The following PTPRU variants were observed in gnomAD, a reference collection of about 807,000 sequenced individuals.
PTPRU encodes the protein protein tyrosine phosphatase receptor type U.
In PTPRU, 69 loss-of-function variants were observed where a neutral mutation model predicts 166.3. That is an observed-to-expected ratio of 0.41 (90% CI 0.34 to 0.51). PTPRU has a LOEUF of 0.51. PTPRU is among the 20% of genes least tolerant of loss of function. The pLI is 0.09. For missense variants in PTPRU, 1,657 were observed against 2,013.7 expected (o/e 0.82, Z 3.39); for synonymous variants, 793 against 814.0 (o/e 0.97, Z 0.44).
rs755487956 is a variant in PTPRU, at chr1:29,280,017, G to A, written c.1766-22G>A. On this transcript the variant is annotated intron_variant, in intron 10 of 29. Transcript: ENST00000373779. The surrounding 1 kb of genome is among the most constrained non-coding windows in gnomAD (Gnocchi z 4.2). ...TGGTCCAGTGGCCAAGCTCCAGCTT[G>A]TGACCCTGTCCCCTTCTCCAGCTCC... 51 of 1,599,134 alleles carry A rather than the reference G, an allele frequency of 3.2e-5. No homozygotes were observed. Among genetic ancestry groups the A allele is most frequent in the Non-Finnish European group, 4.3e-5 (50 of 1,167,150 alleles).
At position 29,325,832 on chromosome 1, in the gene PTPRU, G is replaced by A. The variant is rs1412704253; in HGVS notation, c.*171G>A. The A allele has an allele frequency of 5.4e-6, 4 of 741,422 alleles. No individual in the cohort carries two copies. Among genetic ancestry groups the A allele is most frequent in the Admixed American group, 3.4e-5 (1 of 29,136 alleles). 45.9% of individuals were successfully genotyped at this position (741,422 alleles called of 1,614,324 possible). A position where few individuals can be genotyped will look rare whatever the true frequency, so the allele number is the denominator to read the frequency against. ...CCTTCCACTGTGGGCAGGGCCTTTC[G>A]CTTGTCCCATGGGCGGGTGGTGGGC... is the stretch of plus-strand genomic sequence containing the variant. On this transcript the variant is annotated 3_prime_UTR_variant, in exon 30 of 30. Coordinates refer to ENST00000373779, the MANE Select transcript of PTPRU (RefSeq NM_133178.4).
intron 2 of PTPRU, 56 bp from the exon 3 acceptor site, chr1:29,258,449 C>T (rs1684867820): frequency 1.9e-6 from 3 of 1,568,300 alleles, no homozygotes; most frequent in Admixed American, 1.8e-5. Flanking sequence ...CTTGCCCTGG[C>T]CCTGTCCCTC....
chr1:29,247,735 G>GT (rs1684364012), intron 1 of PTPRU, among the ~76,000 whole-genome samples: 1 of 152,194 alleles, frequency 6.6e-6, no homozygotes, highest in African/African-American at 2.4e-5. Flanking sequence ...TGCTAACTCT[G>GT]GGATTTGCAG....
intron 18 of PTPRU, 192 bp downstream of exon 18, chr1:29,305,620 C>T: frequency 1.3e-6 from 1 of 765,746 alleles, no homozygotes; most frequent in Non-Finnish European, 2.4e-6. Flanking sequence ...GGAAGGCTTT[C>T]TGTAGGTGGG....
Position 29,280,064 on chromosome 1 carries a change from G to A in PTPRU, c.1791G>A (p.Met597Ile). The A allele has an allele frequency of 1.2e-6, 2 of 1,613,756 alleles. No individual in the cohort carries two copies. The highest frequency in any genetic ancestry group is 1.7e-6 in the Non-Finnish European group (2 of 1,179,956). Residue 597 changes from methionine (M) to isoleucine (I), a missense_variant, in exon 11 of 30, where the codon ATG becomes ATA. By Grantham distance (10) the Met-to-Ile change is conservative. Around this residue, in one of 3 missense-constraint regions of PTPRU, gnomAD observed 1,190 missense variants for 1,477.4 expected, o/e 0.81. Transcript: ENST00000373779. This position sits in a 1 kb window ranked among gnomAD's most constrained non-coding sequence, Gnocchi z 4.2. ...ISAPSFDYADMPSPLGESENT... is the reference protein window; with the variant it reads ...ISAPSFDYADIPSPLGESENT... Reference sequence around the variant, plus strand: ...CTCCCAGCTTTGATTATGCCGACATGCCGTCACCCCTGGGCGAGTCTGAGA... The same window carrying A: ...CTCCCAGCTTTGATTATGCCGACATACCGTCACCCCTGGGCGAGTCTGAGA...
rs1688351462 is a variant in PTPRU at position 29,325,191 on chromosome 1, A to T, written c.4113A>T (p.Leu1371=). ...CTCAGCTTTTGCATCTCTCATTCAGAAACGGGGGAGGACGCAGCGGCACCT... is the reference window on the plus strand; with the variant it reads ...CTCAGCTTTTGCATCTCTCATTCAGTAACGGGGGAGGACGCAGCGGCACCT... ...SGDGRTIVHC[L]NGGGRSGTFC... is the part of the protein sequence containing the mutation. Residue 1371 remains leucine (L), a splice_region_variant and synonymous_variant, in exon 29 of 30, where the codon CTA becomes CTT. Coordinates refer to ENST00000373779, the MANE Select transcript of PTPRU (RefSeq NM_133178.4). 1.2e-6 allele frequency: 2 copies of T among 1,614,074 alleles called. No individual in the cohort carries two copies. Among genetic ancestry groups the T allele is most frequent in the Non-Finnish European group, 1.7e-6 (2 of 1,179,990 alleles).
intron 1 of PTPRU, among the ~76,000 whole-genome samples, chr1:29,241,399 C>G (rs1684047646): frequency 6.6e-6 from 1 of 151,754 alleles, no homozygotes; most frequent in African/African-American, 2.4e-5. Context: ...TGGGGAGTGT[C>G]TCTGTGTTGT....
At position 29,279,667 on chromosome 1, in the gene PTPRU, A is replaced by G. The variant is rs1574654023; in HGVS notation, c.1765+10A>G. ...ACCACTAACATCTCTGGTGAGCCCC[A>G]CCTGACCCGGCCCAGCCTCTTCGGA... On this transcript the variant is annotated intron_variant, in intron 10 of 29. Transcript: ENST00000373779. The surrounding 1 kb of genome is among the most constrained non-coding windows in gnomAD (Gnocchi z 5.2). 1 of 1,609,070 alleles carries G rather than the reference A, an allele frequency of 6.2e-7. No homozygotes were observed. The highest frequency in any genetic ancestry group is 8.5e-7 in the Non-Finnish European group (1 of 1,179,746).
chr1:29,310,351 G>T (rs1687590379), intron 18 of PTPRU, among the ~76,000 whole-genome samples: 1 of 152,086 alleles, frequency 6.6e-6, no homozygotes, highest in Non-Finnish European at 1.5e-5. Flanking sequence ...CCACGTGTGG[G>T]ATCTGGGTTG....
At chr1:29,285,870 A>G (rs1686322094) in intron 14 of PTPRU, among the ~76,000 whole-genome samples, 1 of 152,186 alleles carries the variant, frequency 6.6e-6, no homozygotes, top group African/African-American at 2.4e-5. Flanking sequence ...ACTGTGGTCC[A>G]AGCGCCTTAA....
rs1036376317 is a variant in PTPRU at position 29,260,911 on chromosome 1, C to T, written c.1144+8C>T. ...GCCGCACCAAATGCGCAGGTGGGTG[C>T]AGCAGCTACCCCTGGCCTCAGTCTC... On this transcript the variant is annotated splice_region_variant and intron_variant, in intron 7 of 29. Transcript: ENST00000373779. This position sits in a 1 kb window ranked among gnomAD's most constrained non-coding sequence, Gnocchi z 8.3. The T allele has an allele frequency of 3.2e-6, 5 of 1,538,760 alleles. No homozygotes were observed. The highest frequency in any genetic ancestry group is 1.9e-5 in the Admixed American group (1 of 52,136).
intron 1 of PTPRU, among the ~76,000 whole-genome samples, chr1:29,252,115 C>T (rs1684572302): frequency 6.6e-6 from 1 of 152,180 alleles, no homozygotes; most frequent in Non-Finnish European, 1.5e-5. Context: ...CAAGGTCCTG[C>T]CTCAGCTCTG....
At chr1:29,267,160 A>T (rs1685340206) in intron 7 of PTPRU, among the ~76,000 whole-genome samples, 1 of 152,152 alleles carries the variant, frequency 6.6e-6, no homozygotes, top group African/African-American at 2.4e-5. Flanking sequence ...AGCCCAGGAG[A>T]TCAAGGCTGC....
At position 29,291,116 on chromosome 1, in the gene PTPRU, C is replaced by A. The variant is rs532626872; in HGVS notation, c.2319-753C>A. 3.3e-5 allele frequency among the ~76,000 whole-genome samples: 5 copies of A among 152,202 alleles called. No homozygotes were observed. The highest frequency in any genetic ancestry group is 1.2e-4 in the African/African-American group (5 of 41,450). The stretch of plus-strand genomic sequence containing the variant: ...GAAGTCACAAACTGCCATCCTCATC[C>A]GTGAAGCTGGGCCTGGAGGGAGAGG... On this transcript the variant is annotated intron_variant, in intron 14 of 29. Coordinates refer to ENST00000373779, the MANE Select transcript of PTPRU (RefSeq NM_133178.4). The surrounding 1 kb of genome is among the most constrained non-coding windows in gnomAD (Gnocchi z 4.1).
chr1:29,260,411 G>T lies in PTPRU; in HGVS notation c.851-199G>T, dbSNP rs923209671. The stretch of plus-strand genomic sequence containing the variant: ...GTTGTGGGCTGATGGGCGAGGGCGG[G>T]GTCAGCCTTTGGAGCCAGGTGCCCC... On this transcript the variant is annotated intron_variant, in intron 6 of 29. Transcript: ENST00000373779. This position sits in a 1 kb window ranked among gnomAD's most constrained non-coding sequence, Gnocchi z 8.3. 4.6e-5 allele frequency: 23 copies of T among 503,786 alleles called. No homozygotes were observed. The highest frequency in any genetic ancestry group is 4.4e-4 in the African/African-American group (22 of 49,642). The allele number at this position is 503,786 out of a possible 1,614,324, so 31.2% of individuals were successfully genotyped here.
At chr1:29,246,066 G>A (rs1356238394) in intron 1 of PTPRU, among the ~76,000 whole-genome samples, 3 of 152,238 alleles carry the variant, frequency 2.0e-5, no homozygotes, top group Non-Finnish European at 4.4e-5. Context: ...ATTGCATCAG[G>A]ACTGTGAACT....
intron 15 of PTPRU, among the ~76,000 whole-genome samples, chr1:29,299,802 T>C (rs1405358562): frequency 6.6e-6 from 1 of 152,156 alleles, no homozygotes. Flanking sequence ...CTCTGAGTTC[T>C]TTGAGCCAAC....
rs1203447519 is a variant in PTPRU at position 29,280,189 on chromosome 1, A to G, written c.1868+48A>G. The G allele has an allele frequency of 2.0e-6, 3 of 1,528,190 alleles. No individual in the cohort carries two copies. Among genetic ancestry groups the G allele is most frequent in the Non-Finnish European group, 2.7e-6 (3 of 1,106,928 alleles). 94.7% of individuals were successfully genotyped at this position (1,528,190 alleles called of 1,614,324 possible). ...GTGGGAGTCCAGGGCCTTAGGAAAG[A>G]GGCCCCTCCTCTGACCCAGAGCCCC... On this transcript the variant is annotated intron_variant, in intron 11 of 29. Coordinates refer to ENST00000373779, the MANE Select transcript of PTPRU (RefSeq NM_133178.4). The surrounding 1 kb of genome is among the most constrained non-coding windows in gnomAD (Gnocchi z 4.2).
intron 18 of PTPRU, among the ~76,000 whole-genome samples, chr1:29,308,459 A>G (rs34023006): frequency 0.17 from 25,960 of 149,118 alleles, 3,133 homozygotes; most frequent in African/African-American, 0.34. Context: ...CCCAGCTACT[A>G]GGGAGGCTGA....
Sources: allele counts gnomAD v4.1 joint callset (sites outside exome capture counted in the v4.1 genomes callset), GRCh38; gene constraint gnomAD v4.1.1; regional missense constraint gnomAD v4.1.1; non-coding constraint Gnocchi (gnomAD v3.1); transcripts MANE v1.5; gene names NCBI Gene and HGNC (gene_info 2026-07-23, HGNC 2026-07-21).